Variants in CTNNA3 observed in about 807,000 individuals in gnomAD.
CTNNA3 encodes catenin alpha-3.
Under a neutral mutation model 95.7 loss-of-function variants are expected in CTNNA3, and 76 were observed. The observed-to-expected ratio is 0.79, with a 90% CI of 0.66 to 0.96. The LOEUF (loss-of-function observed/expected upper bound fraction) is 0.96. Among genes scored for constraint, CTNNA3 ranks in the 40% least tolerant of loss-of-function variants. CTNNA3 has a pLI of 0.00. For missense variants in CTNNA3, 1,191 were observed against 1,089.8 expected (o/e 1.09, Z -1.31); for synonymous variants, 431 against 374.4 (o/e 1.15, Z -1.74).
intron 8 of CTNNA3, among the ~76,000 whole-genome samples, chr10:66,767,965 C>A (rs1433811554): frequency 6.6e-6 from 1 of 152,114 alleles, no homozygotes. Context: ...CTTATTAGGA[C>A]AAAGTATAGA....
chr10:67,014,867 T>C (rs990464595), intron 7 of CTNNA3, among the ~76,000 whole-genome samples: 4 of 152,078 alleles, frequency 2.6e-5, no homozygotes, highest in Non-Finnish European at 5.9e-5. Context: ...GATGTATACA[T>C]ACATAAGCCT....
intron 13 of CTNNA3, among the ~76,000 whole-genome samples, chr10:66,242,303 A>G (rs774495603): frequency 3.3e-5 from 5 of 152,242 alleles, no homozygotes; most frequent in Admixed American, 2.0e-4. Flanking sequence ...AAAAAACAGC[A>G]TTAACCGTTA....
chr10:67,726,114 T>G, intron 1 of CTNNA3, among the ~76,000 whole-genome samples: 1 of 116,506 alleles, frequency 8.6e-6, no homozygotes, highest in South Asian at 2.3e-4. Context: ...TAAGATTATA[T>G]ATTATTATAT....
At chr10:66,205,169 T>C (rs117089021) in intron 13 of CTNNA3, among the ~76,000 whole-genome samples, 2,191 of 152,204 alleles carry the variant, frequency 0.014, 72 homozygotes, top group East Asian at 0.1. Flanking sequence ...AATATCTATT[T>C]CTTATTCCTT....
chr10:65,917,460 C>CGTT lies in CTNNA3; in HGVS notation c.*2867_*2869dup, dbSNP rs551298945. 3 of 51,142 alleles carry CGTT rather than the reference C, an allele frequency of 5.9e-5. No homozygotes were observed. The highest frequency in any genetic ancestry group is 1.1e-4 in the Non-Finnish European group (3 of 26,664). 3.2% of individuals were successfully genotyped at this position (51,142 alleles called of 1,614,324 possible). On this transcript the variant is annotated 3_prime_UTR_variant, in exon 18 of 18. Transcript: ENST00000433211. Reference sequence around the variant, plus strand: ...AAGGCCATTTAGTGGATTATTATTTCGTTTTTTTTTAAATTTTCATTCTAA... The same window carrying CGTT: ...AAGGCCATTTAGTGGATTATTATTTCGTTGTTTTTTTTTAAATTTTCATTCTAA...
chr10:66,049,938 T>C (rs761817652), intron 15 of CTNNA3, among the ~76,000 whole-genome samples: 3 of 152,090 alleles, frequency 2.0e-5, no homozygotes, highest in Non-Finnish European at 4.4e-5. Context: ...CACCCAAACT[T>C]AAAATAAAAG....
At chr10:67,435,659 A>G (rs1470930016) in intron 5 of CTNNA3, among the ~76,000 whole-genome samples, 1 of 152,122 alleles carries the variant, frequency 6.6e-6, no homozygotes, top group Non-Finnish European at 1.5e-5. Context: ...ACCAATCAGT[A>G]GCTCTTCTAT....
chr10:66,807,957 C>T (rs982385826), intron 7 of CTNNA3, among the ~76,000 whole-genome samples: 2 of 152,056 alleles, frequency 1.3e-5, no homozygotes, highest in African/African-American at 4.8e-5. Flanking sequence ...ACCACTCTTG[C>T]TTGCTTGGTT....
intron 5 of CTNNA3, among the ~76,000 whole-genome samples, chr10:67,220,474 GTTC>G (rs570044475): frequency 2.8e-4 from 43 of 152,252 alleles, no homozygotes; most frequent in African/African-American, 8.7e-4. Context: ...CAAGGACCTT[GTTC>G]TTCTTTCTTT....
intron 13 of CTNNA3, among the ~76,000 whole-genome samples, chr10:66,164,056 CTT>C (rs1369317331): frequency 6.6e-6 from 1 of 152,088 alleles, no homozygotes; most frequent in Non-Finnish European, 1.5e-5. Flanking sequence ...ACTCTAGTGA[CTT>C]TGAAAAACTG....
intron 16 of CTNNA3, among the ~76,000 whole-genome samples, chr10:65,969,238 G>GGGAAAGA (rs199989005): frequency 1.3e-5 from 2 of 149,178 alleles, no homozygotes; most frequent in African/African-American, 2.5e-5. Context: ...GAAAGGGAAA[G>GGGAAAGA]AAAAAAAAAT....
intron 10 of CTNNA3, among the ~76,000 whole-genome samples, chr10:66,545,238 C>A (rs936579746): frequency 6.6e-6 from 1 of 151,884 alleles, no homozygotes; most frequent in Non-Finnish European, 1.5e-5. Flanking sequence ...CCCTTATATG[C>A]TAATTTTTCT....
intron 5 of CTNNA3, among the ~76,000 whole-genome samples, chr10:67,238,988 G>A (rs1564504225): frequency 6.6e-6 from 1 of 152,124 alleles, no homozygotes; most frequent in Non-Finnish European, 1.5e-5. Context: ...AGAAACTCCA[G>A]ATATGATTAC....
intron 5 of CTNNA3, among the ~76,000 whole-genome samples, chr10:67,401,955 C>T (rs1844939486): frequency 6.6e-6 from 1 of 152,182 alleles, no homozygotes; most frequent in Non-Finnish European, 1.5e-5. Context: ...ACTCAATTTA[C>T]ACCACAATTA....
intron 5 of CTNNA3, among the ~76,000 whole-genome samples, chr10:67,439,804 C>G (rs2132927195): frequency 6.6e-6 from 1 of 152,040 alleles, no homozygotes; most frequent in South Asian, 2.1e-4. Flanking sequence ...ACTAAGGAGC[C>G]CTTCGGCCCC....
chr10:66,580,558 A>T (rs1393218181), intron 10 of CTNNA3, among the ~76,000 whole-genome samples: 1 of 151,776 alleles, frequency 6.6e-6, no homozygotes, highest in East Asian at 1.9e-4. Context: ...CATCGCTGTC[A>T]TCTATTAAAT....
At chr10:66,367,850 T>TATAATAATA (rs201921395) in intron 12 of CTNNA3, among the ~76,000 whole-genome samples, 2 of 100,266 alleles carry the variant, frequency 2.0e-5, no homozygotes, top group Non-Finnish European at 3.9e-5. Context: ...AGGCTTCTTT[T>TATAATAATA]ATAATAATAA....
intron 1 of CTNNA3, among the ~76,000 whole-genome samples, chr10:67,731,393 A>C (rs1435229083): frequency 6.6e-6 from 1 of 152,112 alleles, no homozygotes; most frequent in Non-Finnish European, 1.5e-5. Context: ...AGGCAGCAGA[A>C]TCGGTTGAAC....
At chr10:67,100,252 A>G (rs1200330093) in intron 7 of CTNNA3, among the ~76,000 whole-genome samples, 2 of 151,712 alleles carry the variant, frequency 1.3e-5, no homozygotes, top group East Asian at 3.9e-4. Context: ...AATAGAAGCA[A>G]TCACCTTGGA....
Sources: allele counts gnomAD v4.1 joint callset (sites outside exome capture counted in the v4.1 genomes callset), GRCh38; gene constraint gnomAD v4.1.1; transcripts MANE v1.5; gene names NCBI Gene and HGNC (gene_info 2026-07-23, HGNC 2026-07-21).